MGAT4C: variants seen among roughly 807,000 people sequenced by gnomAD.
The protein encoded by MGAT4C is MGAT4 family member C, also known as alpha-1,3-mannosyl-glycoprotein 4-beta-N-acetylglucosaminyltransferase C.
In MGAT4C, 19 loss-of-function variants were observed where a neutral mutation model predicts 40.1. That is an observed-to-expected ratio of 0.47 (90% CI 0.33 to 0.70). MGAT4C has a LOEUF of 0.70. MGAT4C is among the 30% of genes least tolerant of loss of function. MGAT4C has a pLI of 0.02. For synonymous variants in MGAT4C, 181 were observed against 187.1 expected (o/e 0.97, Z 0.27); for missense variants, 491 against 563.2 (o/e 0.87, Z 1.30).
exon 1 of MGAT4C, chr12:86,838,716 A>G (rs1230711690): frequency 6.6e-6 from 1 of 152,126 alleles, no homozygotes; most frequent in Non-Finnish European, 1.5e-5. Context: ...AACTGGCAAT[A>G]TCCTCTGATC....
intron 2 of MGAT4C, among the ~76,000 whole-genome samples, chr12:86,581,384 T>C (rs1792189217): frequency 6.6e-6 from 1 of 151,464 alleles, no homozygotes; most frequent in Non-Finnish European, 1.5e-5. Flanking sequence ...ATTCTGAATA[T>C]TAGGCCAAAA....
At chr12:86,462,106 G>A (rs187842299) in intron 2 of MGAT4C, among the ~76,000 whole-genome samples, 2 of 152,250 alleles carry the variant, frequency 1.3e-5, no homozygotes, top group Non-Finnish European at 2.9e-5. Flanking sequence ...ACTAATATGG[G>A]CATTAAAATA....
chr12:86,156,870 A>G (rs1408457538), intron 1 of MGAT4C, among the ~76,000 whole-genome samples: 2 of 152,184 alleles, frequency 1.3e-5, no homozygotes, highest in African/African-American at 4.8e-5. Flanking sequence ...TTTCCACAAG[A>G]GCAAGATAAT....
intron 2 of MGAT4C, among the ~76,000 whole-genome samples, chr12:86,450,750 C>T (rs565200182): frequency 2.7e-3 from 390 of 144,550 alleles, no homozygotes; most frequent in African/African-American, 9.4e-3. Context: ...ACACACACAA[C>T]ACACATTTAT....
chr12:86,720,837 A>T (rs1950724517), intron 2 of MGAT4C, among the ~76,000 whole-genome samples: 1 of 152,200 alleles, frequency 6.6e-6, no homozygotes, highest in South Asian at 2.1e-4. Context: ...TCAAGAAGAT[A>T]ATTAAAATGA....
chr12:86,247,650 CAT>C (rs1952089755), intron 1 of MGAT4C, among the ~76,000 whole-genome samples: 1 of 152,072 alleles, frequency 6.6e-6, no homozygotes, highest in Non-Finnish European at 1.5e-5. Flanking sequence ...TTGAAGTAAA[CAT>C]GTGGAAAAGG....
At chr12:86,702,938 G>A (rs750095264) in intron 2 of MGAT4C, among the ~76,000 whole-genome samples, 37 of 152,084 alleles carry the variant, frequency 2.4e-4, no homozygotes, top group African/African-American at 8.7e-4. Context: ...TTTATAAATG[G>A]CACTAAGAAC....
intron 2 of MGAT4C, among the ~76,000 whole-genome samples, chr12:86,674,702 A>C (rs971713170): frequency 2.6e-5 from 4 of 152,170 alleles, no homozygotes; most frequent in Non-Finnish European, 5.9e-5. Flanking sequence ...GTCTCAAAAA[A>C]ATAAAAATAA....
chr12:86,373,780 G>A (rs889548570), intron 3 of MGAT4C, among the ~76,000 whole-genome samples: 1 of 151,802 alleles, frequency 6.6e-6, no homozygotes, highest in African/African-American at 2.4e-5. Flanking sequence ...AACTAAGGTT[G>A]TTTAGTGGGC....
At chr12:86,524,078 G>T (rs936168229) in intron 2 of MGAT4C, among the ~76,000 whole-genome samples, 1 of 152,124 alleles carries the variant, frequency 6.6e-6, no homozygotes, top group Non-Finnish European at 1.5e-5. Flanking sequence ...CATATAGCTA[G>T]CTCACTTACA....
rs1956923581 is a variant in MGAT4C, at chr12:86,426,266, G to T, written c.-120+8891C>A. Among the ~76,000 whole-genome samples the T allele has an allele frequency of 1.3e-5, 2 of 152,070 alleles. 1 individual carries two copies. Among genetic ancestry groups the T allele is most frequent in the South Asian group, 4.1e-4 (2 of 4,828 alleles). On this transcript the variant is annotated intron_variant, in intron 3 of 7. Coordinates refer to the MGAT4C transcript ENST00000548651. The stretch of plus-strand genomic sequence containing the variant: ...GTGTGTATTTTTAGCTCAAGAAAAT[G>T]GAAAACCTTACGCTGCCATTCGTTT...
At chr12:86,358,448 T>A (rs898937891) in intron 3 of MGAT4C, among the ~76,000 whole-genome samples, 5 of 152,214 alleles carry the variant, frequency 3.3e-5, no homozygotes, top group African/African-American at 1.2e-4. Flanking sequence ...GCTAACATCA[T>A]AATGACAGGA....
intron 2 of MGAT4C, among the ~76,000 whole-genome samples, chr12:86,644,900 C>T (rs768783241): frequency 1.3e-4 from 20 of 151,680 alleles, no homozygotes; most frequent in Non-Finnish European, 2.7e-4. Context: ...AACATAGGAA[C>T]TTCTAACATG....
chr12:86,752,122 C>A (rs547482060), intron 1 of MGAT4C, among the ~76,000 whole-genome samples: 12 of 151,900 alleles, frequency 7.9e-5, no homozygotes, highest in Admixed American at 5.3e-4. Context: ...GTAAAAGCTT[C>A]TATGTATTTT....
At chr12:86,371,235 A>C (rs1446333106) in intron 3 of MGAT4C, among the ~76,000 whole-genome samples, 3 of 151,946 alleles carry the variant, frequency 2.0e-5, no homozygotes, top group Admixed American at 6.6e-5. Flanking sequence ...ATTGGTGTGC[A>C]TTGTGAAGGG....
intron 2 of MGAT4C, among the ~76,000 whole-genome samples, chr12:86,717,632 ACT>A (rs1950666758): frequency 6.6e-6 from 1 of 152,146 alleles, no homozygotes; most frequent in African/African-American, 2.4e-5. Flanking sequence ...GAAAGTCATT[ACT>A]TTATAAATTG....
At chr12:86,265,086 C>A (rs950149984) in intron 4 of MGAT4C, among the ~76,000 whole-genome samples, 2 of 152,162 alleles carry the variant, frequency 1.3e-5, no homozygotes, top group African/African-American at 4.8e-5. Context: ...CCCGTGCGGG[C>A]ACCTGGAGCT....
chr12:86,817,084 G>C (rs957230595), intron 1 of MGAT4C, among the ~76,000 whole-genome samples: 1 of 149,770 alleles, frequency 6.7e-6, no homozygotes, highest in Non-Finnish European at 1.5e-5. Flanking sequence ...AATTATACAT[G>C]TTACATTAAT....
At chr12:86,811,332 T>C (rs1329150796) in intron 1 of MGAT4C, among the ~76,000 whole-genome samples, 1 of 138,342 alleles carries the variant, frequency 7.2e-6, no homozygotes, top group Non-Finnish European at 1.6e-5. Context: ...AAGGCACTCA[T>C]AGTATTTTTT....
Sources: gnomAD v4.1 joint callset for allele counts (sites outside exome capture counted in the v4.1 genomes callset) on GRCh38, gnomAD v4.1.1 for gene constraint, MANE v1.5 for transcripts, NCBI Gene and HGNC (gene_info 2026-07-23, HGNC 2026-07-21) for gene names.